The following MEGF11 variants were observed in gnomAD, a reference collection of about 807,000 sequenced individuals.
MEGF11 encodes multiple EGF like domains 11, also known as multiple epidermal growth factor-like domains protein 11.
A neutral mutation model predicts 146.6 loss-of-function variants in MEGF11; 126 were observed. That is an observed-to-expected ratio of 0.86 (90% CI 0.74 to 1.00). MEGF11 has a LOEUF of 1.00. Among genes scored for constraint, MEGF11 ranks in the 50% least tolerant of loss-of-function variants. The pLI, the probability that MEGF11 is intolerant of heterozygous loss-of-function variation, is 0.00. For synonymous variants in MEGF11, 532 were observed against 583.4 expected, an observed-to-expected ratio of 0.91 and a Z score of 1.27; for missense variants, 1,509 against 1,521.2, an observed-to-expected ratio of 0.99 and a Z score of 0.13.
At chr15:66,227,184 G>A (rs2091872358) in intron 1 of MEGF11, among the ~76,000 whole-genome samples, 1 of 152,110 alleles carries the variant, frequency 6.6e-6, no homozygotes, top group African/African-American at 2.4e-5. Context: ...GGGTTCTGCG[G>A]TTCGTGGAGG....
intron 14 of MEGF11, 138 bp downstream of exon 14, chr15:65,922,685 A>G: frequency 2.4e-6 from 3 of 1,265,828 alleles, no homozygotes; most frequent in Non-Finnish European, 3.2e-6. Flanking sequence ...AGAACTGCAG[A>G]GGGAGAGACT....
intron 1 of MEGF11, among the ~76,000 whole-genome samples, chr15:66,134,149 G>A (rs1327107093): frequency 4.6e-5 from 7 of 152,106 alleles, no homozygotes; most frequent in African/African-American, 1.7e-4. Context: ...ACATCAGTCA[G>A]GCCCAGAGAA....
At chr15:66,126,877 T>A (rs1367113068) in intron 2 of MEGF11, among the ~76,000 whole-genome samples, 7 of 152,226 alleles carry the variant, frequency 4.6e-5, no homozygotes, top group Admixed American at 2.6e-4. Context: ...AGAAAGCTTA[T>A]GAAAAATGCA....
intron 7 of MEGF11, among the ~76,000 whole-genome samples, chr15:65,972,744 T>G (rs1274872372): frequency 6.6e-6 from 1 of 152,192 alleles, no homozygotes; most frequent in Admixed American, 6.5e-5. Context: ...GTAAAGACAT[T>G]TTCAGATTTG....
At chr15:66,065,651 G>A (rs1413898914) in intron 5 of MEGF11, among the ~76,000 whole-genome samples, 1 of 152,212 alleles carries the variant, frequency 6.6e-6, no homozygotes, top group Non-Finnish European at 1.5e-5. Context: ...GCGTCCAAGA[G>A]GACACTGCCG....
chr15:66,200,724 T>C (rs2091135943), intron 1 of MEGF11, among the ~76,000 whole-genome samples: 1 of 152,160 alleles, frequency 6.6e-6, no homozygotes, highest in Admixed American at 6.5e-5. Context: ...TTCCTATTAT[T>C]AGCATGGCTG....
At chr15:66,024,316 G>A (rs1488670168) in intron 5 of MEGF11, among the ~76,000 whole-genome samples, 5 of 152,250 alleles carry the variant, frequency 3.3e-5, no homozygotes, top group Admixed American at 6.5e-5. Flanking sequence ...GCCCTGGGGC[G>A]CCCGGGGCTG....
chr15:66,162,915 C>T (rs539131561), intron 1 of MEGF11, among the ~76,000 whole-genome samples: 5 of 152,290 alleles, frequency 3.3e-5, no homozygotes, highest in South Asian at 2.1e-4. Flanking sequence ...AAAGTCATCT[C>T]GAAAGGGTAA....
intron 13 of MEGF11, among the ~76,000 whole-genome samples, chr15:65,923,955 G>A (rs1444591537): frequency 6.6e-6 from 1 of 152,208 alleles, no homozygotes; most frequent in African/African-American, 2.4e-5. Context: ...GAGCCCAGGA[G>A]ATTGGCTTGG....
intron 1 of MEGF11, among the ~76,000 whole-genome samples, chr15:66,162,549 T>C (rs925024311): frequency 6.6e-5 from 10 of 152,146 alleles, no homozygotes; most frequent in African/African-American, 2.2e-4. Flanking sequence ...TATGATTCCA[T>C]TGGGAGAAGT....
chr15:65,980,662 G>A (rs1029588417), intron 7 of MEGF11, 116 bp downstream of exon 7: 3 of 1,375,230 alleles, frequency 2.2e-6, no homozygotes, highest in East Asian at 2.7e-5. Context: ...GCCTCCCAAA[G>A]TGCTGGGATT....
chr15:66,095,548 G>A (rs1004900509), intron 4 of MEGF11, among the ~76,000 whole-genome samples: 1 of 152,198 alleles, frequency 6.6e-6, no homozygotes, highest in African/African-American at 2.4e-5. Flanking sequence ...CCACTGCCTG[G>A]CCTAAATGCC....
chr15:65,966,236 C>T (rs192882610), intron 8 of MEGF11, among the ~76,000 whole-genome samples: 112 of 152,276 alleles, frequency 7.4e-4, no homozygotes, highest in African/African-American at 2.5e-3. Flanking sequence ...CCTCATGATC[C>T]GCCTGCCTCG....
intron 20 of MEGF11, among the ~76,000 whole-genome samples, chr15:65,913,000 T>C (rs952799287): frequency 6.6e-6 from 1 of 152,220 alleles, no homozygotes; most frequent in Non-Finnish European, 1.5e-5. Flanking sequence ...AGCCCAGGAC[T>C]ATAGGGCAAT....
At chr15:66,224,224 A>G (rs2091797866) in intron 1 of MEGF11, among the ~76,000 whole-genome samples, 1 of 152,216 alleles carries the variant, frequency 6.6e-6, no homozygotes, top group African/African-American at 2.4e-5. Flanking sequence ...CTGAGAGGAT[A>G]ATAACATTAT....
chr15:65,907,039 A>G (rs1359367074), intron 23 of MEGF11, among the ~76,000 whole-genome samples: 2 of 152,148 alleles, frequency 1.3e-5, no homozygotes, highest in Non-Finnish European at 2.9e-5. Context: ...AAGTCAGAGC[A>G]ATTTTTTCTT....
At chr15:66,045,266 A>G (rs969339382) in intron 5 of MEGF11, among the ~76,000 whole-genome samples, 3 of 152,178 alleles carry the variant, frequency 2.0e-5, no homozygotes, top group Admixed American at 2.0e-4. Context: ...AGAGCCTCTC[A>G]TACCTCACTG....
intron 5 of MEGF11, among the ~76,000 whole-genome samples, chr15:66,066,317 A>C (rs1049671846): frequency 6.6e-6 from 1 of 151,956 alleles, no homozygotes; most frequent in Non-Finnish European, 1.5e-5. Context: ...AGAGCCCCCC[A>C]GTTGGTTGCT....
intron 13 of MEGF11, among the ~76,000 whole-genome samples, chr15:65,927,277 G>A (rs778643526): frequency 2.6e-5 from 4 of 152,174 alleles, no homozygotes; most frequent in Non-Finnish European, 5.9e-5. Flanking sequence ...GTATTTTATG[G>A]ATGGAGAGTT....
Sources: allele counts gnomAD v4.1 joint callset (sites outside exome capture counted in the v4.1 genomes callset), GRCh38; gene constraint gnomAD v4.1.1; transcripts MANE v1.5; gene names NCBI Gene and HGNC (gene_info 2026-07-23, HGNC 2026-07-21).